IER3IP1: variants seen among roughly 807,000 people sequenced by gnomAD.
IER3IP1 encodes the protein immediate early response 3 interacting protein 1.
A neutral mutation model predicts 12.2 loss-of-function variants in IER3IP1; 16 were observed. That is an observed-to-expected ratio of 1.31 (90% CI 0.89 to 1.99). The LOEUF is 1.99. Ranked by LOEUF, IER3IP1 falls within the 30% of genes most tolerant of loss-of-function variation. The pLI, the probability that IER3IP1 is intolerant of heterozygous loss-of-function variation, is 0.00. For missense variants in IER3IP1, 95 were observed against 95.8 expected (o/e 0.99, Z 0.03); for synonymous variants, 42 against 40.0 (o/e 1.05, Z -0.19).
chr18:47,168,301 C>CAAAAAAAAAAAAAAAAAAACAA (rs35347851), intron 1 of IER3IP1, among the ~76,000 whole-genome samples: 1 of 107,166 alleles, frequency 9.3e-6, no homozygotes, highest in Non-Finnish European at 1.9e-5. Flanking sequence ...GACTCCATCA[C>CAAAAAAAAAAAAAAAAAAACAA]AAAAAAAAAA....
intron 2 of IER3IP1, chr18:47,156,833 C>G (rs1277042207): frequency 7.5e-6 from 1 of 134,204 alleles, no homozygotes; most frequent in African/African-American, 2.8e-5. Context: ...TGCTCTGTCT[C>G]CCATGCTGGA....
intron 1 of IER3IP1, among the ~76,000 whole-genome samples, chr18:47,168,507 G>T (rs971126496): frequency 2.4e-4 from 37 of 151,946 alleles, no homozygotes; most frequent in Non-Finnish European, 4.1e-4. Context: ...TAAACTTTAG[G>T]TAAAGGAATT....
Position 47,176,194 on chromosome 18 carries a change from G to C in IER3IP1, c.84C>G (p.Leu28=). 6.3e-7 allele frequency: 1 copy of C among 1,596,472 alleles called. No homozygotes were observed. The highest frequency in any genetic ancestry group is 1.1e-5 in the South Asian group (1 of 88,370). ...CCCCGCGGTCCCACTCACTGTTCTT[G>C]AGGAATCGCTCCTCGTGCAGCACTG... The part of the protein sequence containing the change: ...AIAVLHEERF[L]KNIGWGTDQG... Residue 28 remains leucine, a synonymous_variant, in exon 1 of 3, where the codon CTC becomes CTG. Transcript: ENST00000256433.
intron 2 of IER3IP1, chr18:47,156,780 T>A (rs2063960715): frequency 6.7e-6 from 1 of 150,186 alleles, no homozygotes; most frequent in Admixed American, 6.8e-5. Context: ...TTTTTCTTTT[T>A]TCTTTTCTGG....
chr18:47,155,451 T>C lies in IER3IP1; in HGVS notation c.*726A>G, dbSNP rs745352280. 1 of 148,556 alleles carries C rather than the reference T, an allele frequency of 6.7e-6. No homozygotes were observed. Among genetic ancestry groups the C allele is most frequent in the African/African-American group, 2.4e-5 (1 of 41,102 alleles). 9.2% of individuals were successfully genotyped at this position (148,556 alleles called of 1,614,324 possible). ...CGCTGTTGTTTTTTTTAAATCATCA[T>C]TGTAAAAAGGGCAGACTTATAGATT... On this transcript the variant is annotated 3_prime_UTR_variant, in exon 3 of 3. Coordinates refer to ENST00000256433, the MANE Select transcript of IER3IP1 (RefSeq NM_016097.5).
At chr18:47,174,896 C>G (rs1041587906) in intron 1 of IER3IP1, among the ~76,000 whole-genome samples, 2 of 152,174 alleles carry the variant, frequency 1.3e-5, no homozygotes, top group African/African-American at 2.4e-5. Context: ...AATGTTTACT[C>G]ATGTATCAGA....
At chr18:47,165,168 G>A (rs751667934) in intron 1 of IER3IP1, among the ~76,000 whole-genome samples, 3 of 152,198 alleles carry the variant, frequency 2.0e-5, no homozygotes. Flanking sequence ...AAGTTTACAT[G>A]TGATCAAATG....
At chr18:47,167,721 G>C (rs1344812361) in intron 1 of IER3IP1, among the ~76,000 whole-genome samples, 2 of 152,072 alleles carry the variant, frequency 1.3e-5, no homozygotes, top group Non-Finnish European at 2.9e-5. Context: ...TCTCCAATTA[G>C]CTCATATAGT....
chr18:47,167,350 C>CT (rs2063999371), intron 1 of IER3IP1, among the ~76,000 whole-genome samples: 1 of 152,100 alleles, frequency 6.6e-6, no homozygotes, highest in Non-Finnish European at 1.5e-5. Context: ...TGCACCCGGC[C>CT]CCCTGTACCA....
intron 1 of IER3IP1, 52 bp downstream of exon 1, chr18:47,176,135 G>A: frequency 6.8e-7 from 1 of 1,473,422 alleles, no homozygotes; most frequent in Non-Finnish European, 9.3e-7. Flanking sequence ...TAGGTTACGC[G>A]CCCCCGGGGA....
Position 47,173,131 on chromosome 18 carries a change from G to A in IER3IP1, c.91+3056C>T, listed in dbSNP as rs985342548. ...CTGGCTATTTTACATCTCCACTTGCGTATCTCATAGAAATCTCAAACTGAG... is the reference window on the plus strand; with the variant it reads ...CTGGCTATTTTACATCTCCACTTGCATATCTCATAGAAATCTCAAACTGAG... On this transcript the variant is annotated intron_variant, in intron 1 of 2. Transcript: ENST00000256433. 3.3e-5 allele frequency among the ~76,000 whole-genome samples: 5 copies of A among 152,144 alleles called. 1 individual carries two copies. Among genetic ancestry groups the A allele is most frequent in the Middle Eastern group, 6.8e-3 (2 of 294 alleles).
chr18:47,171,719 G>C (rs1369474601), intron 1 of IER3IP1, among the ~76,000 whole-genome samples: 1 of 152,080 alleles, frequency 6.6e-6, no homozygotes, highest in Admixed American at 6.5e-5. Flanking sequence ...TTTTGTGGAG[G>C]CTGCGAGAGC....
rs1235816716 is a variant in IER3IP1, at chr18:47,153,170, G to C, written c.*3007C>G. 2 of 152,102 alleles carry C rather than the reference G, an allele frequency of 1.3e-5. No homozygotes were observed. The highest frequency in any genetic ancestry group is 1.3e-4 in the Admixed American group (2 of 15,254). The allele number at this position is 152,102 out of a possible 1,614,324, so 9.4% of individuals were successfully genotyped here. On this transcript the variant is annotated 3_prime_UTR_variant, in exon 3 of 3. Transcript: ENST00000256433. Reference sequence around the variant, plus strand: ...AGAACACAGATTGCCTACTCTTATTGTATCTAAAGCAAGGATTTTGATGGG... The same window carrying C: ...AGAACACAGATTGCCTACTCTTATTCTATCTAAAGCAAGGATTTTGATGGG...
chr18:47,158,642 G>A (rs2063969411), intron 1 of IER3IP1, among the ~76,000 whole-genome samples: 1 of 151,536 alleles, frequency 6.6e-6, no homozygotes, highest in Non-Finnish European at 1.5e-5. Flanking sequence ...CCTCATTTAC[G>A]TTTTTAAAAG....
chr18:47,158,695 T>G (rs2063969653), intron 1 of IER3IP1, among the ~76,000 whole-genome samples: 1 of 151,314 alleles, frequency 6.6e-6, no homozygotes, highest in South Asian at 2.1e-4. Context: ...GCATGGTGAC[T>G]CACGCCTATA....
intron 1 of IER3IP1, among the ~76,000 whole-genome samples, chr18:47,171,835 C>T (rs1008329452): frequency 2.0e-5 from 3 of 152,080 alleles, no homozygotes; most frequent in Non-Finnish European, 4.4e-5. Context: ...CTGTGTCGCC[C>T]AGGCTGTAGG....
chr18:47,155,249 A>G lies in IER3IP1; in HGVS notation c.*928T>C, dbSNP rs2063954278. 1 of 152,230 alleles carries G rather than the reference A, an allele frequency of 6.6e-6. No individual in the cohort carries two copies. Among genetic ancestry groups the G allele is most frequent in the Non-Finnish European group, 1.5e-5 (1 of 68,022 alleles). 9.4% of individuals were successfully genotyped at this position (152,230 alleles called of 1,614,324 possible). The stretch of plus-strand genomic sequence containing the variant: ...ACAAAAGACAACCTATCCAGCATCA[A>G]TGTCCTATTGACAAACTCAATGAAG... On this transcript the variant is annotated 3_prime_UTR_variant, in exon 3 of 3. Coordinates refer to ENST00000256433, the MANE Select transcript of IER3IP1 (RefSeq NM_016097.5).
rs1568069325 is a variant in IER3IP1 at position 47,153,295 on chromosome 18, T to C, written c.*2882A>G. ...GGATGAATTGTATAGTGGTGTAAAG[T>C]CTGAAATTTTAGTGCACCCATCACT... On this transcript the variant is annotated 3_prime_UTR_variant, in exon 3 of 3. Coordinates refer to ENST00000256433, the MANE Select transcript of IER3IP1 (RefSeq NM_016097.5). 6.6e-6 allele frequency: 1 copy of C among 152,262 alleles called. No individual in the cohort carries two copies. The highest frequency in any genetic ancestry group is 1.5e-5 in the Non-Finnish European group (1 of 68,090). 9.4% of individuals were successfully genotyped at this position (152,262 alleles called of 1,614,324 possible).
At chr18:47,165,290 C>T (rs917040955) in intron 1 of IER3IP1, among the ~76,000 whole-genome samples, 6 of 152,302 alleles carry the variant, frequency 3.9e-5, no homozygotes, top group Non-Finnish European at 5.9e-5. Context: ...TGATGGCTCA[C>T]GCCTGTAATC....
Sources: allele counts gnomAD v4.1 joint callset (sites outside exome capture counted in the v4.1 genomes callset), GRCh38; gene constraint gnomAD v4.1.1; transcripts MANE v1.5; gene names NCBI Gene and HGNC (gene_info 2026-07-23, HGNC 2026-07-21).